The following HECW2 variants were observed in gnomAD, a reference collection of about 807,000 sequenced individuals.
HECW2 encodes HECT, C2 and WW domain containing E3 ubiquitin protein ligase 2.
HECW2 carries 61 observed loss-of-function variants against 175.2 expected under a neutral mutation model. The observed-to-expected ratio is 0.35, with a 90% CI of 0.28 to 0.43. The LOEUF is 0.43. Ranked by LOEUF, HECW2 falls within the 20% of genes least tolerant of loss-of-function variation. HECW2 has a pLI of 1.00. For missense variants in HECW2, 1,524 were observed against 2,000.5 expected (o/e 0.76, Z 4.54); for synonymous variants, 671 against 731.0 (o/e 0.92, Z 1.32).
intron 2 of HECW2, 74 bp from the exon 3 acceptor site, chr2:196,343,838 T>C: frequency 1.1e-6 from 1 of 941,526 alleles, no homozygotes; most frequent in Admixed American, 2.0e-5. Flanking sequence ...TAACATAAGT[T>C]CTAAAATAAA....
chr2:196,276,094 T>A (rs1689945223), intron 15 of HECW2, among the ~76,000 whole-genome samples: 1 of 152,240 alleles, frequency 6.6e-6, no homozygotes, highest in Admixed American at 6.5e-5. Flanking sequence ...TCACAGTATG[T>A]TGCCATGTCT....
rs974728970 is a variant in HECW2, at chr2:196,493,673, T to C, written c.-35-60215A>G. Among the ~76,000 whole-genome samples, 12 of 152,338 alleles carry C rather than the reference T, an allele frequency of 7.9e-5. No homozygotes were observed. In the South Asian group the frequency reaches 2.5e-3, roughly 32 times the overall value. On this transcript the variant is annotated intron_variant, in intron 1 of 28. Transcript: ENST00000644978. ...TTGTCAAGGGCTTAATTGGTCATGA[T>C]TTAAGCCAGAGACAGAAGAGAAATA...
chr2:196,365,250 C>A (rs1379867067), intron 2 of HECW2, among the ~76,000 whole-genome samples: 1 of 152,186 alleles, frequency 6.6e-6, no homozygotes, highest in Non-Finnish European at 1.5e-5. Flanking sequence ...TAGATTACAA[C>A]ACAAATTGGC....
intron 1 of HECW2, among the ~76,000 whole-genome samples, chr2:196,445,492 A>T (rs1025648524): frequency 6.6e-6 from 1 of 152,220 alleles, no homozygotes; most frequent in Admixed American, 6.5e-5. Context: ...GTGTCACTAG[A>T]ATTAGCCACA....
Position 196,319,602 on chromosome 2 carries a change from T to C in HECW2, c.1288A>G (p.Arg430Gly). The change falls in exon 9 of 29, where the codon AGG becomes GGG. Residue 430 changes from arginine to glycine, a missense_variant. Arg to Gly is a moderately radical substitution (Grantham distance 125). Transcript: ENST00000644978. ...LDAIEHNGHSRPGTATCSERS... is the reference protein window; with the variant it reads ...LDAIEHNGHSGPGTATCSERS... ...TCAGAGCAGGTCGCTGTCCCCGGCCTGGAGTGGCCATTGTGTTCGATAGCA... is the reference window on the plus strand; with the variant it reads ...TCAGAGCAGGTCGCTGTCCCCGGCCCGGAGTGGCCATTGTGTTCGATAGCA... 6.2e-7 allele frequency: 1 copy of C among 1,614,218 alleles called. No individual in the cohort carries two copies. The highest frequency in any genetic ancestry group is 8.5e-7 in the Non-Finnish European group (1 of 1,180,026).
chr2:196,455,323 T>C (rs13390417), intron 1 of HECW2, among the ~76,000 whole-genome samples: 20,082 of 152,264 alleles, frequency 0.13, 1,788 homozygotes, highest in African/African-American at 0.26. Context: ...TAGGCCACAA[T>C]GCCCGGCCCC....
At chr2:196,321,501 A>G (rs1301272920) in intron 7 of HECW2, among the ~76,000 whole-genome samples, 3 of 151,160 alleles carry the variant, frequency 2.0e-5, no homozygotes, top group African/African-American at 7.3e-5. Flanking sequence ...GGTTCAAGCA[A>G]TTCTCCCAGC....
chr2:196,385,582 C>A (rs1694322921), intron 2 of HECW2, among the ~76,000 whole-genome samples: 1 of 152,146 alleles, frequency 6.6e-6, no homozygotes, highest in Non-Finnish European at 1.5e-5. Flanking sequence ...CGCTAGAAGA[C>A]CTGGGTGGCA....
intron 1 of HECW2, among the ~76,000 whole-genome samples, chr2:196,504,902 T>C (rs188680540): frequency 6.6e-6 from 1 of 151,578 alleles, no homozygotes; most frequent in East Asian, 1.9e-4. Context: ...AAAAAATGAG[T>C]GCAGAGAGAT....
intron 2 of HECW2, among the ~76,000 whole-genome samples, chr2:196,403,695 C>A (rs1694881568): frequency 6.6e-6 from 1 of 152,168 alleles, no homozygotes; most frequent in African/African-American, 2.4e-5. Context: ...AAAATTCATT[C>A]TCTGCAGGGA....
At chr2:196,248,339 C>G (rs1422045691) in intron 19 of HECW2, among the ~76,000 whole-genome samples, 1 of 152,126 alleles carries the variant, frequency 6.6e-6, no homozygotes, top group Non-Finnish European at 1.5e-5. Flanking sequence ...ACTAACAACA[C>G]AAAAAGTTAA....
intron 26 of HECW2, among the ~76,000 whole-genome samples, chr2:196,219,441 C>T (rs1173238081): frequency 1.3e-5 from 2 of 152,198 alleles, no homozygotes; most frequent in Non-Finnish European, 2.9e-5. Flanking sequence ...GCAGAAGTGT[C>T]ACTTTTTTAG....
chr2:196,266,701 A>G (rs1285704977), intron 17 of HECW2, among the ~76,000 whole-genome samples: 1 of 152,240 alleles, frequency 6.6e-6, no homozygotes, highest in African/African-American at 2.4e-5. Flanking sequence ...TAGGTTAGCA[A>G]TTTTGAACAC....
intron 3 of HECW2, 36 bp downstream of exon 3, chr2:196,343,621 C>G (rs1370184952): frequency 1.5e-6 from 2 of 1,312,488 alleles, no homozygotes; most frequent in Admixed American, 1.7e-5. Flanking sequence ...ATGCAATGTT[C>G]AATAATAAGT....
rs1690636184 is a variant in HECW2 at position 196,292,458 on chromosome 2, C to T, written c.3000+107G>A. 1.2e-5 allele frequency: 11 copies of T among 887,234 alleles called. No individual in the cohort carries two copies. The South Asian group carries it at 1.9e-4, about 15-fold the overall frequency. 55.0% of individuals were successfully genotyped at this position (887,234 alleles called of 1,614,324 possible). A position where few individuals can be genotyped will look rare whatever the true frequency, so the allele number is the denominator to read the frequency against. The stretch of plus-strand genomic sequence containing the variant: ...CACTTGAACAGAAGGTGGAATGTTT[C>T]ACCTCACAAAGAGCCTTGGCCCTCA... On this transcript the variant is annotated intron_variant, in intron 14 of 28. Coordinates refer to ENST00000644978, the MANE Select transcript of HECW2 (RefSeq NM_001348768.2).
chr2:196,408,589 A>G (rs1695026161), intron 2 of HECW2, among the ~76,000 whole-genome samples: 1 of 152,214 alleles, frequency 6.6e-6, no homozygotes, highest in Non-Finnish European at 1.5e-5. Flanking sequence ...TGACTAGATA[A>G]ATGGGAAATT....
At position 196,194,810 on chromosome 2, in the gene HECW2, C is replaced by T. The variant is rs113589110; in HGVS notation, c.*6467G>A. ...GCAAAAACTGAAATACCACTATTAA[C>T]TGTGACACACTGTGTGGTGAACGTA... is the stretch of plus-strand genomic sequence containing the variant. On this transcript the variant is annotated 3_prime_UTR_variant, in exon 29 of 29. Coordinates refer to ENST00000644978, the MANE Select transcript of HECW2 (RefSeq NM_001348768.2). 1 of 152,226 alleles carries T rather than the reference C, an allele frequency of 6.6e-6. No homozygotes were observed. The highest frequency in any genetic ancestry group is 1.5e-5 in the Non-Finnish European group (1 of 67,998). 9.4% of individuals were successfully genotyped at this position (152,226 alleles called of 1,614,324 possible).
At position 196,365,097 on chromosome 2, in the gene HECW2, C is replaced by T. The variant is rs141091558; in HGVS notation, c.293-21333G>A. ...AAAGCTATTGATCTAGCAAGGATGCCCATGGGTGGAAATGTGATTTATGGA... is the reference window on the plus strand; with the variant it reads ...AAAGCTATTGATCTAGCAAGGATGCTCATGGGTGGAAATGTGATTTATGGA... On this transcript the variant is annotated intron_variant, in intron 2 of 28. Transcript: ENST00000644978. 5.4e-3 allele frequency among the ~76,000 whole-genome samples: 818 copies of T among 152,258 alleles called. 8 individuals carry two copies. Among genetic ancestry groups the T allele is most frequent in the Middle Eastern group, 0.02 (6 of 294 alleles).
At chr2:196,340,697 G>T (rs1020879714) in intron 3 of HECW2, among the ~76,000 whole-genome samples, 2 of 151,954 alleles carry the variant, frequency 1.3e-5, no homozygotes, top group African/African-American at 4.8e-5. Flanking sequence ...CAAGGGTAGG[G>T]GGTGAGTGTT....
Sources: gnomAD v4.1 joint callset for allele counts (sites outside exome capture counted in the v4.1 genomes callset) on GRCh38, gnomAD v4.1.1 for gene constraint, MANE v1.5 for transcripts, NCBI Gene and HGNC (gene_info 2026-07-23, HGNC 2026-07-21) for gene names.